Variants in TBX5 observed in about 807,000 individuals in gnomAD.
TBX5 encodes the protein T-box transcription factor TBX5.
TBX5 carries 8 observed loss-of-function variants against 51.1 expected under a neutral mutation model. The observed-to-expected ratio is 0.16, with a 90% confidence interval of 0.09 to 0.28. The LOEUF (loss-of-function observed/expected upper bound fraction) is 0.28. TBX5 is among the 10% of genes least tolerant of loss of function. The probability of loss-of-function intolerance (pLI) is 1.00; values close to 1 mark genes in which losing one functional copy is unlikely to be tolerated. For missense variants in TBX5, 589 were observed against 671.7 expected (o/e 0.88, Z 1.36); for synonymous variants, 302 against 266.4 (o/e 1.13, Z -1.30).
At chr12:114,375,705 C>T (rs753264263) in intron 7 of TBX5, among the ~76,000 whole-genome samples, 27 of 152,068 alleles carry the variant, frequency 1.8e-4, no homozygotes, top group South Asian at 6.2e-4. Context: ...CAAGTTGGTG[C>T]GGCCACCATG....
At chr12:114,398,920 C>T (rs1871611554) in intron 4 of TBX5, among the ~76,000 whole-genome samples, 200 bp from the exon 5 acceptor site, 1 of 152,202 alleles carries the variant, frequency 6.6e-6, no homozygotes, top group African/African-American at 2.4e-5. Flanking sequence ...AGGCAAGCCC[C>T]TGGCCCAGCC....
chr12:114,370,209 T>C (rs1869779762), intron 7 of TBX5, among the ~76,000 whole-genome samples: 1 of 135,456 alleles, frequency 7.4e-6, no homozygotes, highest in African/African-American at 2.9e-5. Context: ...CCAGCCTGGA[T>C]GACAAGAGTG....
intron 5 of TBX5, among the ~76,000 whole-genome samples, chr12:114,395,353 A>C (rs1215380114): frequency 6.6e-6 from 1 of 152,162 alleles, no homozygotes; most frequent in Admixed American, 6.5e-5. Context: ...TAAGGGATGC[A>C]AGAGAAGATA....
At chr12:114,356,737 T>G (rs1390695794) in intron 8 of TBX5, among the ~76,000 whole-genome samples, 3 of 152,220 alleles carry the variant, frequency 2.0e-5, no homozygotes, top group African/African-American at 7.2e-5. Context: ...CAGTGTGTAC[T>G]CTGCGTAGCA....
intron 4 of TBX5, 87 bp downstream of exon 4, chr12:114,399,426 A>C: frequency 6.2e-7 from 1 of 1,602,338 alleles, no homozygotes; most frequent in Non-Finnish European, 8.5e-7. Context: ...AAAAAAAAAA[A>C]AAAGTTCACT....
intron 7 of TBX5, among the ~76,000 whole-genome samples, chr12:114,383,947 C>T (rs560476372): frequency 5.3e-4 from 81 of 152,218 alleles, no homozygotes; most frequent in African/African-American, 1.6e-3. Flanking sequence ...GCCACCTTAA[C>T]GGCAAATCAC....
chr12:114,399,192 G>T (rs1007645368), intron 4 of TBX5, among the ~76,000 whole-genome samples: 3 of 152,078 alleles, frequency 2.0e-5, no homozygotes, highest in Non-Finnish European at 4.4e-5. Flanking sequence ...AACTGTAAAT[G>T]GTTTTATGCC....
Position 114,363,728 on chromosome 12 carries a change from C to A in TBX5, c.982+2437G>T, listed in dbSNP as rs142485314. ...AACCACTGGCAGTTTTTGTTTGGAA[C>A]CTTTCTGAGCCTCAGTTTCCCCATT... On this transcript the variant is annotated intron_variant, in intron 8 of 8. Coordinates refer to ENST00000405440, the MANE Select transcript of TBX5 (RefSeq NM_181486.4). Among the ~76,000 whole-genome samples, 1,092 of 152,314 alleles carry A rather than the reference C, an allele frequency of 7.2e-3. 9 individuals are homozygous for A. The highest frequency in any genetic ancestry group is 0.024 in the African/African-American group (989 of 41,552).
intron 6 of TBX5, among the ~76,000 whole-genome samples, chr12:114,388,343 A>G (rs1380556798): frequency 6.6e-6 from 1 of 151,898 alleles, no homozygotes; most frequent in Non-Finnish European, 1.5e-5. Flanking sequence ...GTTTTAGCAG[A>G]GAAGGGTTTT....
intron 1 of TBX5, among the ~76,000 whole-genome samples, 195 bp from the exon 2 acceptor site, chr12:114,404,131 A>C (rs1045763344): frequency 6.6e-6 from 1 of 152,198 alleles, no homozygotes; most frequent in Non-Finnish European, 1.5e-5. Flanking sequence ...TCCTAGTAGT[A>C]TTACTATTAC....
chr12:114,400,790 G>GTTCA (rs1213529994), intron 3 of TBX5, among the ~76,000 whole-genome samples: 1 of 152,240 alleles, frequency 6.6e-6, no homozygotes, highest in African/African-American at 2.4e-5. Context: ...GCGCCTCCTA[G>GTTCA]TTCACTCAGG....
chr12:114,358,630 C>T (rs187998978), intron 8 of TBX5, among the ~76,000 whole-genome samples: 60 of 151,792 alleles, frequency 4.0e-4, no homozygotes, highest in Non-Finnish European at 1.5e-5. Context: ...TTATAGGATA[C>T]CAAAAAAATT....
intron 2 of TBX5, 72 bp downstream of exon 2, chr12:114,403,680 A>T (rs1047642576): frequency 2.5e-6 from 4 of 1,581,952 alleles, no homozygotes; most frequent in Non-Finnish European, 3.4e-6. Context: ...TCCCCGCAAG[A>T]GAAGCCGAGC....
At chr12:114,408,032 C>T, upstream of TBX5, 1 of 985,422 alleles carries the variant, frequency 1.0e-6, no homozygotes, top group Non-Finnish European at 1.2e-6. Flanking sequence ...CAGGCATACC[C>T]CAGTAAAATA....
intron 6 of TBX5, among the ~76,000 whole-genome samples, chr12:114,389,473 G>A (rs1464302011): frequency 6.6e-6 from 1 of 151,956 alleles, no homozygotes; most frequent in Non-Finnish European, 1.5e-5. Flanking sequence ...AGTGGATGAA[G>A]GCCGGGCGCG....
At chr12:114,365,904 GC>G (rs1869503353) in intron 8 of TBX5, among the ~76,000 whole-genome samples, 1 of 151,910 alleles carries the variant, frequency 6.6e-6, no homozygotes, top group Non-Finnish European at 1.5e-5. Context: ...GTGTATGTGT[GC>G]ATAAATGAAT....
rs758752836 is a variant in TBX5 at position 114,366,233 on chromosome 12, A to C, written c.914T>G (p.Leu305Arg). The change falls in exon 8 of 9, where the codon CTG becomes CGG. Residue 305 changes from leucine to arginine, a missense_variant. Around this residue, in one of 7 missense-constraint regions of TBX5, gnomAD observed 348 missense variants for 360.4 expected, o/e 0.97. Coordinates refer to ENST00000405440, the MANE Select transcript of TBX5 (RefSeq NM_181486.4). ...NGVSGPSQDLLPPPNPYPLPQ... is the reference protein window; with the variant it reads ...NGVSGPSQDLRPPPNPYPLPQ... ...CAGTGGGTATGGGTTGGGTGGAGGC[A>C]GGAGGTCCTGGGAGGGGCCGGAAAC... The C allele has an allele frequency of 6.2e-7, 1 of 1,614,126 alleles. No individual in the cohort carries two copies. Among genetic ancestry groups the C allele is most frequent in the South Asian group, 1.1e-5 (1 of 91,074 alleles).
intron 7 of TBX5, among the ~76,000 whole-genome samples, chr12:114,383,892 C>T (rs2555026): frequency 0.58 from 88,447 of 151,520 alleles, 26,409 homozygotes; most frequent in Admixed American, 0.72. Context: ...ACAGCAGGAA[C>T]TTTGCCTGTA....
chr12:114,391,263 A>C (rs915559382), intron 6 of TBX5, among the ~76,000 whole-genome samples: 12 of 152,252 alleles, frequency 7.9e-5, no homozygotes, highest in Non-Finnish European at 1.3e-4. Context: ...GGAATGAGCC[A>C]ACTAAACCAC....
Sources: allele counts gnomAD v4.1 joint callset (sites outside exome capture counted in the v4.1 genomes callset), GRCh38; gene constraint gnomAD v4.1.1; regional missense constraint gnomAD v4.1.1; transcripts MANE v1.5; gene names NCBI Gene and HGNC (gene_info 2026-07-23, HGNC 2026-07-21).